Variants in LONP2 observed in about 807,000 individuals in gnomAD.
LONP2 encodes the protein lon protease homolog 2, peroxisomal.
In LONP2, 60 loss-of-function variants were observed where a neutral mutation model predicts 85.6. That is an observed-to-expected ratio of 0.70 (90% CI 0.57 to 0.87). The LOEUF (loss-of-function observed/expected upper bound fraction) is 0.87. Among genes scored for constraint, LONP2 ranks in the 40% least tolerant of loss-of-function variants. LONP2 has a pLI of 0.00. For missense variants in LONP2, 860 were observed against 1,063.5 expected, an observed-to-expected ratio of 0.81 and a Z score of 2.66; for synonymous variants, 395 against 389.7, an observed-to-expected ratio of 1.01 and a Z score of -0.16.
intron 4 of LONP2, among the ~76,000 whole-genome samples, chr16:48,260,056 A>C (rs1971842415): frequency 6.6e-6 from 1 of 152,214 alleles, no homozygotes; most frequent in African/African-American, 2.4e-5. Context: ...GGAAGGAAAA[A>C]TGCATTAAAA....
At chr16:48,259,870 A>G (rs936332089) in intron 4 of LONP2, among the ~76,000 whole-genome samples, 5 of 152,208 alleles carry the variant, frequency 3.3e-5, no homozygotes, top group African/African-American at 7.2e-5. Context: ...AGAAAACTGC[A>G]ACTTACTCTC....
chr16:48,292,547 TAA>T (rs1368031279), intron 8 of LONP2, among the ~76,000 whole-genome samples: 1 of 152,198 alleles, frequency 6.6e-6, no homozygotes, highest in East Asian at 1.9e-4. Context: ...AAATTTAGCC[TAA>T]GTCTGCCTCC....
At chr16:48,251,996 A>T in intron 1 of LONP2, 135 bp from the exon 2 acceptor site, 1 of 618,290 alleles carries the variant, frequency 1.6e-6, no homozygotes, top group Non-Finnish European at 2.5e-6. Context: ...GCTAAGTTAA[A>T]TAGAGAAAAA....
intron 6 of LONP2, among the ~76,000 whole-genome samples, chr16:48,263,484 A>G (rs1971920480): frequency 6.6e-6 from 1 of 152,238 alleles, no homozygotes. Flanking sequence ...TTCACTTAGC[A>G]TGATGCCCTC....
intron 12 of LONP2, among the ~76,000 whole-genome samples, chr16:48,341,406 C>T (rs1959804270): frequency 6.6e-6 from 1 of 152,202 alleles, no homozygotes; most frequent in African/African-American, 2.4e-5. Context: ...GCCGGCATGT[C>T]ATGTGGCCAG....
downstream of LONP2, chr16:48,360,525 G>A (rs750380581): frequency 3.3e-5 from 5 of 152,612 alleles, no homozygotes; most frequent in Non-Finnish European, 7.3e-5. Context: ...AGCAGACACA[G>A]TAAGATTTTT....
intron 4 of LONP2, among the ~76,000 whole-genome samples, chr16:48,260,268 T>G (rs1596915975): frequency 6.6e-6 from 1 of 152,206 alleles, no homozygotes; most frequent in Non-Finnish European, 1.5e-5. Flanking sequence ...TTTTTATATT[T>G]GAATGTATTA....
intron 9 of LONP2, among the ~76,000 whole-genome samples, chr16:48,297,369 G>A (rs2150997078): frequency 6.6e-6 from 1 of 152,212 alleles, no homozygotes. Context: ...GGAATGCAGT[G>A]GCACAATCTT....
intron 11 of LONP2, among the ~76,000 whole-genome samples, chr16:48,318,516 C>T (rs549441004): frequency 2.6e-5 from 4 of 151,996 alleles, no homozygotes; most frequent in Non-Finnish European, 4.4e-5. Context: ...AAGACTCTGC[C>T]TCAAAAAAAG....
intron 11 of LONP2, among the ~76,000 whole-genome samples, chr16:48,325,334 C>T (rs560847387): frequency 3.3e-5 from 5 of 152,250 alleles, no homozygotes; most frequent in Non-Finnish European, 5.9e-5. Context: ...TTTGGGGACC[C>T]CTGCAGTAGA....
At chr16:48,345,014 G>A (rs1164788940) in intron 12 of LONP2, 1 of 152,114 alleles carries the variant, frequency 6.6e-6, no homozygotes, top group Non-Finnish European at 1.5e-5. Context: ...TTGAGGTCAG[G>A]AATTCGAGAC....
chr16:48,246,355 C>T (rs1194097980), intron 1 of LONP2, among the ~76,000 whole-genome samples: 1 of 152,216 alleles, frequency 6.6e-6, no homozygotes, highest in African/African-American at 2.4e-5. Context: ...CTTCTGCTTA[C>T]TTTTCCCAAA....
chr16:48,272,870 G>C (rs1417205064), intron 7 of LONP2, among the ~76,000 whole-genome samples: 3 of 152,236 alleles, frequency 2.0e-5, no homozygotes, highest in Admixed American at 2.0e-4. Flanking sequence ...GGAGAGTAGT[G>C]GGGTTCAGTT....
chr16:48,280,972 T>A (rs910874328), intron 8 of LONP2, among the ~76,000 whole-genome samples: 4 of 152,158 alleles, frequency 2.6e-5, no homozygotes, highest in Admixed American at 6.5e-5. Flanking sequence ...AAGAACAAAC[T>A]CAATTACACA....
chr16:48,332,466 G>A (rs1596992674), intron 11 of LONP2, among the ~76,000 whole-genome samples: 1 of 151,974 alleles, frequency 6.6e-6, no homozygotes, highest in East Asian at 1.9e-4. Context: ...AATCCCAGCA[G>A]TTTGGGAGGC....
Position 48,355,422 on chromosome 16 carries a change from AGAT to A in LONP2, c.*3624_*3626del, listed in dbSNP as rs1203493775. On this transcript the variant is annotated 3_prime_UTR_variant, in exon 15 of 15. Coordinates refer to ENST00000285737, the MANE Select transcript of LONP2 (RefSeq NM_031490.5). ...TAGAAGCTGAGACTGGGCCCTCAATAGATGATACCAGTCTGCCAGCACGCTGAT... is the reference window on the plus strand; with the variant it reads ...TAGAAGCTGAGACTGGGCCCTCAATAGATACCAGTCTGCCAGCACGCTGAT... 6.6e-6 allele frequency: 1 copy of A among 152,198 alleles called. No individual in the cohort carries two copies. The highest frequency in any genetic ancestry group is 1.5e-5 in the Non-Finnish European group (1 of 68,026). The allele number at this position is 152,198 out of a possible 1,614,324, so 9.4% of individuals were successfully genotyped here.
intron 8 of LONP2, among the ~76,000 whole-genome samples, chr16:48,294,108 T>C (rs993865557): frequency 6.6e-6 from 1 of 152,132 alleles, no homozygotes; most frequent in Admixed American, 6.5e-5. Context: ...GGCTAATTTT[T>C]GTATTTTTTT....
chr16:48,354,059 T>C lies in LONP2; in HGVS notation c.*2257T>C, dbSNP rs913998120. ...GGTTGAAGTCTAAGCTCTTCCTTTT[T>C]CACCTGGGTTTTTTTTTTTTGGGGG... On this transcript the variant is annotated 3_prime_UTR_variant, in exon 15 of 15. Transcript: ENST00000285737. The C allele has an allele frequency of 8.0e-6, 1 of 125,056 alleles. No individual in the cohort carries two copies. Among genetic ancestry groups the C allele is most frequent in the African/African-American group, 3.1e-5 (1 of 31,968 alleles). 7.7% of individuals were successfully genotyped at this position (125,056 alleles called of 1,614,324 possible).
Position 48,353,517 on chromosome 16 carries a change from A to AT in LONP2, c.*1715_*1716insT. On this transcript the variant is annotated 3_prime_UTR_variant, in exon 15 of 15. Transcript: ENST00000285737. Reference sequence around the variant, plus strand: ...GTCTCAAAAAAAAAAAAAAAAAAAAAGATTGGGCCAAAATACTGTGATAAA... The same window carrying AT: ...GTCTCAAAAAAAAAAAAAAAAAAAAATGATTGGGCCAAAATACTGTGATAAA... The AT allele has an allele frequency of 7.4e-6, 1 of 135,674 alleles. No individual in the cohort carries two copies. The highest frequency in any genetic ancestry group is 1.6e-5 in the Non-Finnish European group (1 of 62,698). 8.4% of individuals were successfully genotyped at this position (135,674 alleles called of 1,614,324 possible).
Sources: allele counts gnomAD v4.1 joint callset (sites outside exome capture counted in the v4.1 genomes callset), GRCh38; gene constraint gnomAD v4.1.1; transcripts MANE v1.5; gene names NCBI Gene and HGNC (gene_info 2026-07-23, HGNC 2026-07-21).